The following MNAT1 variants were observed in gnomAD, a reference collection of about 807,000 sequenced individuals.
The protein encoded by MNAT1 is MNAT1 component of CDK activating kinase.
A neutral mutation model predicts 42.0 loss-of-function variants in MNAT1; 43 were observed. The observed-to-expected ratio is 1.02, with a 90% confidence interval of 0.80 to 1.32. The LOEUF (loss-of-function observed/expected upper bound fraction) is 1.32. MNAT1 is among the 40% of genes most tolerant of loss of function. The pLI, the probability that MNAT1 is intolerant of heterozygous loss-of-function variation, is 0.00. For synonymous variants in MNAT1, 118 were observed against 120.0 expected, an observed-to-expected ratio of 0.98 and a Z score of 0.11; for missense variants, 306 against 350.4, an observed-to-expected ratio of 0.87 and a Z score of 1.01.
intron 1 of MNAT1, among the ~76,000 whole-genome samples, chr14:60,795,307 G>T (rs963070293): frequency 6.6e-6 from 1 of 152,154 alleles, no homozygotes; most frequent in African/African-American, 2.4e-5. Context: ...GCCTGACTGA[G>T]TGGTAGTATG....
At chr14:60,851,358 C>T (rs1221326634) in intron 6 of MNAT1, among the ~76,000 whole-genome samples, 1 of 152,018 alleles carries the variant, frequency 6.6e-6, no homozygotes, top group South Asian at 2.1e-4. Flanking sequence ...TTTTCTTTTG[C>T]TTTTCTTTAT....
At chr14:60,784,782 A>C (rs2031589759) in intron 1 of MNAT1, among the ~76,000 whole-genome samples, 1 of 151,724 alleles carries the variant, frequency 6.6e-6, no homozygotes, top group African/African-American at 2.4e-5. Context: ...CTCTTTTTAC[A>C]GTTAGTTTCT....
At chr14:60,861,251 T>G (rs1442038289) in intron 6 of MNAT1, among the ~76,000 whole-genome samples, 1 of 152,188 alleles carries the variant, frequency 6.6e-6, no homozygotes, top group Non-Finnish European at 1.5e-5. Context: ...AAAAAATGTT[T>G]TCTGTTTTAG....
chr14:60,778,865 A>G (rs919112848), intron 1 of MNAT1, among the ~76,000 whole-genome samples: 3 of 152,196 alleles, frequency 2.0e-5, no homozygotes, highest in Non-Finnish European at 2.9e-5. Flanking sequence ...AACAGGTAAT[A>G]TGTACACGGG....
chr14:60,812,042 A>T lies in MNAT1; in HGVS notation c.476A>T (p.Glu159Val). The T allele has an allele frequency of 6.2e-7, 1 of 1,606,452 alleles. No homozygotes were observed. The highest frequency in any genetic ancestry group is 8.5e-7 in the Non-Finnish European group (1 of 1,177,776). ...TTAGAAGTGGAACGACAGGAAAATG[A>T]ACAAAGAAGATTATTTATACAAAAA... ...EALEVERQEN[E>V]QRRLFIQKEE... Residue 159 changes from glutamate (E) to valine (V), a missense_variant, in exon 5 of 8, where the codon GAA becomes GTA. Glu to Val is a moderately radical substitution (Grantham distance 121). This residue lies in a region of MNAT1 where 118 missense variants were observed against 99.8 expected (regional missense o/e 1.18). Transcript: ENST00000261245.
intron 7 of MNAT1, among the ~76,000 whole-genome samples, chr14:60,967,225 CTTG>C: frequency 6.6e-6 from 1 of 152,208 alleles, no homozygotes; most frequent in South Asian, 2.1e-4. Flanking sequence ...GAAAAACAGA[CTTG>C]TTATGTTAGA....
At chr14:60,764,685 T>C (rs1051036913) in intron 1 of MNAT1, among the ~76,000 whole-genome samples, 5 of 152,174 alleles carry the variant, frequency 3.3e-5, no homozygotes, top group African/African-American at 7.2e-5. Flanking sequence ...AAGTGAAGAA[T>C]GTAATTTTCA....
At chr14:60,796,913 G>A (rs2032036706) in intron 2 of MNAT1, among the ~76,000 whole-genome samples, 2 of 151,946 alleles carry the variant, frequency 1.3e-5, no homozygotes, top group South Asian at 2.1e-4. Flanking sequence ...AGAAAATTAC[G>A]TGTTAGCTAT....
At chr14:60,851,378 C>T (rs2033816025) in intron 6 of MNAT1, among the ~76,000 whole-genome samples, 1 of 152,142 alleles carries the variant, frequency 6.6e-6, no homozygotes, top group Non-Finnish European at 1.5e-5. Flanking sequence ...TTGTGCTCTG[C>T]AGATACTGCG....
chr14:60,834,681 C>G (rs990124821), intron 6 of MNAT1, among the ~76,000 whole-genome samples: 2 of 152,094 alleles, frequency 1.3e-5, no homozygotes, highest in African/African-American at 4.8e-5. Flanking sequence ...GGTCCACTTT[C>G]TCTAGAGCTA....
At chr14:60,888,549 G>A (rs1408209458) in intron 7 of MNAT1, among the ~76,000 whole-genome samples, 1 of 151,752 alleles carries the variant, frequency 6.6e-6, no homozygotes, top group African/African-American at 2.4e-5. Flanking sequence ...AGACAGGGAT[G>A]CCCTCTCTCA....
chr14:60,811,298 C>CTTTTTTTTTTTTTTTT (rs569520885), intron 4 of MNAT1, among the ~76,000 whole-genome samples: 1 of 80,312 alleles, frequency 1.2e-5, no homozygotes, highest in African/African-American at 4.8e-5. Context: ...TCTATTCTTT[C>CTTTTTTTTTTTTTTTT]TTTTTTTTTT....
At chr14:60,909,450 G>C (rs2035294142) in intron 7 of MNAT1, among the ~76,000 whole-genome samples, 1 of 152,084 alleles carries the variant, frequency 6.6e-6, no homozygotes, top group Non-Finnish European at 1.5e-5. Flanking sequence ...GGTTTTTATG[G>C]TTTTAGATCT....
intron 6 of MNAT1, among the ~76,000 whole-genome samples, chr14:60,854,524 T>C (rs1055305826): frequency 3.3e-5 from 5 of 152,284 alleles, no homozygotes; most frequent in African/African-American, 4.8e-5. Context: ...TGTTGTTGCT[T>C]TCTATTTGTT....
intron 3 of MNAT1, among the ~76,000 whole-genome samples, chr14:60,806,165 C>T (rs1439354459): frequency 6.6e-6 from 1 of 152,118 alleles, no homozygotes; most frequent in Non-Finnish European, 1.5e-5. Context: ...ACAAGATGTG[C>T]ACATTGAAAA....
intron 7 of MNAT1, among the ~76,000 whole-genome samples, chr14:60,905,781 C>T (rs1364635635): frequency 6.6e-6 from 1 of 152,098 alleles, no homozygotes; most frequent in East Asian, 1.9e-4. Context: ...TGTGTTCAGG[C>T]CCTCAGCTGG....
intron 7 of MNAT1, among the ~76,000 whole-genome samples, chr14:60,936,640 C>G (rs944408140): frequency 3.9e-5 from 6 of 152,018 alleles, no homozygotes; most frequent in African/African-American, 1.4e-4. Flanking sequence ...GGACATTTGA[C>G]TTGGTTCCAA....
rs190258235 is a variant in MNAT1 at position 60,939,772 on chromosome 14, G to A, written c.810-28457G>A. Among the ~76,000 whole-genome samples the A allele has an allele frequency of 2.3e-4, 35 of 152,216 alleles. No individual in the cohort carries two copies. The East Asian group carries it at 5.2e-3, about 23-fold the overall frequency. Reference sequence around the variant, plus strand: ...TCTGCTTGGTGCAGAGCTGAGTTCAGTTCCTGGAGAGCCTTGTTAACTTTC... The same window carrying A: ...TCTGCTTGGTGCAGAGCTGAGTTCAATTCCTGGAGAGCCTTGTTAACTTTC... On this transcript the variant is annotated intron_variant, in intron 7 of 7. Transcript: ENST00000261245.
chr14:60,869,040 A>ATATATATATATATATATATATTTTT (rs1465360826), intron 6 of MNAT1, among the ~76,000 whole-genome samples: 28 of 113,018 alleles, frequency 2.5e-4, no homozygotes, highest in Non-Finnish European at 4.2e-4. Context: ...ATATATATAT[A>ATATATATATATATATATATATTTTT]TTTTTTTTTT....
Sources: allele counts gnomAD v4.1 joint callset (sites outside exome capture counted in the v4.1 genomes callset), GRCh38; gene constraint gnomAD v4.1.1; regional missense constraint gnomAD v4.1.1; transcripts MANE v1.5; gene names NCBI Gene and HGNC (gene_info 2026-07-23, HGNC 2026-07-21).